ING3: variants seen among roughly 807,000 people sequenced by gnomAD.
ING3 encodes inhibitor of growth protein 3.
Under a neutral mutation model 64.8 loss-of-function variants are expected in ING3, and 6 were observed. That is an observed-to-expected ratio of 0.09 (90% CI 0.05 to 0.18). The LOEUF (loss-of-function observed/expected upper bound fraction) is 0.18, where lower values mean the gene tolerates loss of function less well. Among genes scored for constraint, ING3 ranks in the 10% least tolerant of loss-of-function variants. The probability of loss-of-function intolerance (pLI) is 1.00; values close to 1 mark genes in which losing one functional copy is unlikely to be tolerated. For synonymous variants in ING3, 170 were observed against 173.7 expected (o/e 0.98, Z 0.17); for missense variants, 310 against 489.7 (o/e 0.63, Z 3.46).
chr7:120,966,717 G>A lies in ING3; in HGVS notation c.436+20G>A. 6.3e-7 allele frequency: 1 copy of A among 1,580,026 alleles called. No individual in the cohort carries two copies. The highest frequency in any genetic ancestry group is 8.7e-7 in the Non-Finnish European group (1 of 1,148,940). ...TGGAAAGTAAGTTTGGTGTAGTGCA[G>A]CTAAGTTTTAAAAACAATGAAAACC... On this transcript the variant is annotated intron_variant, in intron 6 of 11. Coordinates refer to ENST00000315870, the MANE Select transcript of ING3 (RefSeq NM_019071.3).
At chr7:120,970,180 G>A (rs1241582440) in intron 9 of ING3, among the ~76,000 whole-genome samples, 1 of 151,682 alleles carries the variant, frequency 6.6e-6, no homozygotes, top group African/African-American at 2.4e-5. Flanking sequence ...TACGAATAAT[G>A]AGTGGCTGGG....
At chr7:120,951,265 G>A (rs779077907) in intron 2 of ING3, 30 bp downstream of exon 2, 9 of 1,607,688 alleles carry the variant, frequency 5.6e-6, no homozygotes, top group Non-Finnish European at 8.5e-7. Context: ...ACTCCTGTTC[G>A]CTGCGCGCGT....
intron 10 of ING3, among the ~76,000 whole-genome samples, chr7:120,971,884 C>T (rs143853729): frequency 7.2e-5 from 11 of 152,026 alleles, no homozygotes; most frequent in Middle Eastern, 3.4e-3. Flanking sequence ...ATAAACATAC[C>T]GGTTTACTAA....
At chr7:120,960,471 T>C (rs1795916904) in intron 4 of ING3, among the ~76,000 whole-genome samples, 1 of 152,244 alleles carries the variant, frequency 6.6e-6, no homozygotes, top group South Asian at 2.1e-4. Context: ...GTATTACTTT[T>C]ACAGAATTTA....
intron 3 of ING3, 23 bp from the exon 4 acceptor site, chr7:120,955,536 G>A (rs1220441491): frequency 2.0e-6 from 3 of 1,518,218 alleles, no homozygotes; most frequent in Admixed American, 3.5e-5. Flanking sequence ...ATTTATTTTT[G>A]AAATGAAAAT....
At chr7:120,954,913 T>C (rs1245136297) in intron 3 of ING3, among the ~76,000 whole-genome samples, 1 of 152,230 alleles carries the variant, frequency 6.6e-6, no homozygotes, top group Non-Finnish European at 1.5e-5. Context: ...TTTAATGGAA[T>C]GCAAATGTAC....
chr7:120,968,238 A>G, intron 8 of ING3, 147 bp downstream of exon 8: 1 of 780,984 alleles, frequency 1.3e-6, no homozygotes, highest in Non-Finnish European at 2.0e-6. Context: ...GTGATATTTT[A>G]TTTAATGAAA....
intron 9 of ING3, among the ~76,000 whole-genome samples, chr7:120,969,514 T>C (rs1796040435): frequency 6.6e-6 from 1 of 152,186 alleles, no homozygotes; most frequent in Non-Finnish European, 1.5e-5. Flanking sequence ...TATTACCCTT[T>C]ATTTTGCCAT....
chr7:120,971,617 T>C (rs1394343815), intron 10 of ING3, among the ~76,000 whole-genome samples: 1 of 152,148 alleles, frequency 6.6e-6, no homozygotes, highest in African/African-American at 2.4e-5. Context: ...TGATTTTTCT[T>C]TAAGATCATA....
chr7:120,956,690 A>G (rs200452930), intron 4 of ING3: 1 of 493,382 alleles, frequency 2.0e-6, no homozygotes, highest in Admixed American at 6.7e-5. Flanking sequence ...AATAAAAACC[A>G]AAAAAAAAAA....
Position 120,966,689 on chromosome 7 carries a change from C to T in ING3, c.428C>T (p.Pro143Leu). Reference protein sequence around the residue: ...VNNHHAHSHTPVEKRKYNPTS... With the variant: ...VNNHHAHSHTLVEKRKYNPTS... ...AATCACCATGCTCATTCACATACTCCAGTGGAAAGTAAGTTTGGTGTAGTG... is the reference window on the plus strand; with the variant it reads ...AATCACCATGCTCATTCACATACTCTAGTGGAAAGTAAGTTTGGTGTAGTG... The change falls in exon 6 of 12, where the codon CCA becomes CTA. Residue 143 changes from proline (P) to leucine (L), a missense_variant. By Grantham distance (98) the Pro-to-Leu change is moderately conservative. Around this residue, in one of 3 missense-constraint regions of ING3, gnomAD observed 233 missense variants for 289.4 expected, o/e 0.81. Transcript: ENST00000315870. 1.2e-6 allele frequency: 2 copies of T among 1,611,392 alleles called. No homozygotes were observed. Among genetic ancestry groups the T allele is most frequent in the Non-Finnish European group, 1.7e-6 (2 of 1,177,486 alleles).
At chr7:120,954,150 G>A (rs558420341) in intron 3 of ING3, among the ~76,000 whole-genome samples, 2 of 152,280 alleles carry the variant, frequency 1.3e-5, no homozygotes, top group African/African-American at 4.8e-5. Context: ...AAGAGGCCTG[G>A]CGTGGTGGCT....
chr7:120,956,314 A>G lies in ING3; in HGVS notation c.267+690A>G, dbSNP rs1795846486. ...TCATTTCTGTTTTTGCATTAAAGTA[A>G]ATTAAAGCAGAAAACACATGCTCAC... On this transcript the variant is annotated intron_variant, in intron 4 of 11. Transcript: ENST00000315870. 3 of 1,422,448 alleles carry G rather than the reference A, an allele frequency of 2.1e-6. No homozygotes were observed. In the South Asian group the frequency reaches 4.4e-5, roughly 21 times the overall value. 88.1% of individuals were successfully genotyped at this position (1,422,448 alleles called of 1,614,324 possible). A position where few individuals can be genotyped will look rare whatever the true frequency, so the allele number is the denominator to read the frequency against.
intron 5 of ING3, among the ~76,000 whole-genome samples, chr7:120,966,086 AT>A (rs767737917): frequency 6.6e-6 from 1 of 152,158 alleles, no homozygotes; most frequent in African/African-American, 2.4e-5. Flanking sequence ...AGAAAAATGT[AT>A]TTAGAGGTAT....
intron 4 of ING3, among the ~76,000 whole-genome samples, chr7:120,962,216 AC>A (rs1487420631): frequency 2.0e-5 from 3 of 152,188 alleles, no homozygotes; most frequent in African/African-American, 7.2e-5. Context: ...TTGATTTAGT[AC>A]AGCAGTAGTA....
In ING3 at chr7:120,967,847, ATGTC is replaced by A. The variant is rs201716060; in HGVS notation, c.557-83_557-80del. The A allele has an allele frequency of 8.7e-4, 1,211 of 1,389,976 alleles. 7 individuals carry two copies. The African/African-American group carries it at 0.015, about 17-fold the overall frequency. 86.1% of individuals were successfully genotyped at this position (1,389,976 alleles called of 1,614,324 possible). Reference sequence around the variant, plus strand: ...TGACATTAAAAATTTTAATGATTATATGTCTGTGCTGGGAAATAATGTAATTTAG... The same window carrying A: ...TGACATTAAAAATTTTAATGATTATATGTGCTGGGAAATAATGTAATTTAG... On this transcript the variant is annotated intron_variant, in intron 7 of 11. Coordinates refer to ENST00000315870, the MANE Select transcript of ING3 (RefSeq NM_019071.3).
intron 4 of ING3, chr7:120,955,848 A>G (rs1188738110): frequency 1.2e-5 from 7 of 579,748 alleles, no homozygotes; most frequent in East Asian, 2.9e-5. Flanking sequence ...GCAAGTCTAT[A>G]CGGCGGTAAG....
At chr7:120,965,648 T>C (rs1476331363) in intron 5 of ING3, among the ~76,000 whole-genome samples, 1 of 152,212 alleles carries the variant, frequency 6.6e-6, no homozygotes, top group African/African-American at 2.4e-5. Flanking sequence ...TACCTGTTTC[T>C]ACACACAGAT....
intron 3 of ING3, 85 bp from the exon 4 acceptor site, chr7:120,955,474 G>C: frequency 1.1e-6 from 1 of 885,936 alleles, no homozygotes; most frequent in Non-Finnish European, 1.8e-6. Context: ...AACAAGATAT[G>C]ATAATGAAAA....
Sources: allele counts gnomAD v4.1 joint callset (sites outside exome capture counted in the v4.1 genomes callset), GRCh38; gene constraint gnomAD v4.1.1; regional missense constraint gnomAD v4.1.1; transcripts MANE v1.5; gene names NCBI Gene and HGNC (gene_info 2026-07-23, HGNC 2026-07-21).